Variants in PLAT observed in about 807,000 individuals in gnomAD.
PLAT encodes the protein plasminogen activator, tissue type.
PLAT carries 48 observed loss-of-function variants against 74.9 expected under a neutral mutation model. That is an observed-to-expected ratio of 0.64 (90% CI 0.51 to 0.82). The LOEUF is 0.82. Ranked by LOEUF, PLAT falls within the 40% of genes least tolerant of loss-of-function variation. The probability of loss-of-function intolerance (pLI) is 0.00; values close to 1 mark genes in which losing one functional copy is unlikely to be tolerated. For missense variants in PLAT, 673 were observed against 736.2 expected, an observed-to-expected ratio of 0.91 and a Z score of 0.99; for synonymous variants, 307 against 294.4, an observed-to-expected ratio of 1.04 and a Z score of -0.44.
intron 6 of PLAT, 42 bp from the exon 7 acceptor site, chr8:42,185,214 T>A: frequency 3.8e-6 from 5 of 1,306,300 alleles, no homozygotes; most frequent in South Asian, 1.3e-5. Context: ...AGGTCAAAGG[T>A]GAAGCCTCTC....
chr8:42,202,446 C>T (rs969640175), intron 1 of PLAT, among the ~76,000 whole-genome samples: 2 of 152,126 alleles, frequency 1.3e-5, no homozygotes, highest in East Asian at 3.9e-4. Context: ...AGAGTCCCAT[C>T]TATGGGGCTG....
rs777639136 is a variant in PLAT at position 42,191,406 on chromosome 8, A to G, written c.81T>C (p.His27=). The change falls in exon 3 of 14, where the codon CAT becomes CAC. Residue 27 remains histidine (H), a synonymous_variant. Transcript: ENST00000220809. The part of the protein sequence containing the change: ...AVFVSPSQEI[H]ARFRRGARSY... ...ATCTGGCTCCTCTTCTGAATCGGGCATGGATTTCCTGCGAAGAAACCAGAG... is the reference window on the plus strand; with the variant it reads ...ATCTGGCTCCTCTTCTGAATCGGGCGTGGATTTCCTGCGAAGAAACCAGAG... 3.7e-6 allele frequency: 6 copies of G among 1,614,102 alleles called. No homozygotes were observed. The highest frequency in any genetic ancestry group is 1.7e-5 in the Admixed American group (1 of 60,024).
Position 42,179,923 on chromosome 8 carries a change from T to TA in PLAT, c.1363+2dup. 3 of 1,586,634 alleles carry TA rather than the reference T, an allele frequency of 1.9e-6. No individual in the cohort carries two copies. Among genetic ancestry groups the TA allele is most frequent in the Non-Finnish European group, 2.6e-6 (3 of 1,163,596 alleles). On this transcript the variant is annotated splice_region_variant and intron_variant, in intron 12 of 13. Coordinates refer to ENST00000220809, the MANE Select transcript of PLAT (RefSeq NM_000930.5). ...GATGGGGCCGAGACTTCCTTCCACT[T>TA]ACAGGCCTCATGCTTGCCGTAGCCG...
chr8:42,205,846 G>A (rs1039147477), intron 1 of PLAT, among the ~76,000 whole-genome samples: 2 of 151,766 alleles, frequency 1.3e-5, no homozygotes, highest in South Asian at 2.1e-4. Context: ...CTTAACATTG[G>A]CAAAATAAAC....
intron 1 of PLAT, among the ~76,000 whole-genome samples, chr8:42,203,992 T>TACACACACACACACACAC (rs775189467): frequency 1.5e-4 from 16 of 109,842 alleles, no homozygotes; most frequent in African/African-American, 6.2e-4. Context: ...TATATATATA[T>TACACACACACACACACAC]ACACACACAC....
chr8:42,182,739 C>G lies in PLAT; in HGVS notation c.783G>C (p.Leu261=). 5 of 1,605,712 alleles carry G rather than the reference C, an allele frequency of 3.1e-6. No homozygotes were observed. The highest frequency in any genetic ancestry group is 1.1e-5 in the South Asian group (1 of 90,162). ...AQNPSAQALG[L]GKHNYCRNPD... is the part of the protein sequence containing the mutation. ...CCTACCGGCAGTAATTATGTTTGCC[C>G]AGGCCCAGTGCCTGGGCACTGGGGT... The change falls in exon 8 of 14, where the codon CTG becomes CTC. Residue 261 remains leucine, a synonymous_variant. Coordinates refer to ENST00000220809, the MANE Select transcript of PLAT (RefSeq NM_000930.5).
At chr8:42,176,186 A>G in intron 13 of PLAT, 35 bp from the exon 14 acceptor site, 1 of 1,574,896 alleles carries the variant, frequency 6.3e-7, no homozygotes, top group Non-Finnish European at 8.7e-7. Context: ...CGTTTGCAAA[A>G]AAAGCAGACT....
intron 1 of PLAT, among the ~76,000 whole-genome samples, chr8:42,200,832 CT>C (rs939148071): frequency 1.7e-3 from 243 of 146,794 alleles, no homozygotes; most frequent in East Asian, 4.4e-3. Context: ...CCAATTGTAA[CT>C]TTTTTTTTTT....
In PLAT at chr8:42,180,317, C is replaced by G. The variant is rs144211716; in HGVS notation, c.1147G>C (p.Glu383Gln). The change falls in exon 11 of 14, where the codon GAG becomes CAG. Residue 383 changes from glutamate (E) to glutamine (Q), a missense_variant. Transcript: ENST00000220809. ...TTTTCGACTTCAAATTTCTGCTCCTCCTCGCCAGGGACCACCCGGTATGTT... is the reference window on the plus strand; with the variant it reads ...TTTTCGACTTCAAATTTCTGCTCCTGCTCGCCAGGGACCACCCGGTATGTT... ...GRTYRVVPGE[E>Q]EQKFEVEKYI... 2.5e-6 allele frequency: 4 copies of G among 1,614,130 alleles called. No individual in the cohort carries two copies. In the African/African-American group the frequency reaches 4.0e-5, roughly 16 times the overall value.
chr8:42,182,346 A>G, intron 8 of PLAT: 1 of 187,588 alleles, frequency 5.3e-6, no homozygotes, highest in Non-Finnish European at 1.0e-5. Context: ...CCCTAGGAGA[A>G]CTTCTCTTTA....
chr8:42,176,272 T>C (rs1804972007), intron 13 of PLAT, 121 bp from the exon 14 acceptor site: 6 of 665,962 alleles, frequency 9.0e-6, no homozygotes, highest in Non-Finnish European at 1.5e-5. Flanking sequence ...TAATATTCCA[T>C]TCAGTGTCAT....
At chr8:42,191,495 T>C in intron 2 of PLAT, 81 bp from the exon 3 acceptor site, 1 of 1,303,836 alleles carries the variant, frequency 7.7e-7, no homozygotes, top group South Asian at 1.2e-5. Flanking sequence ...CAGAAGCCCA[T>C]GTGAACCTGC....
Position 42,175,868 on chromosome 8 carries a change from C to G in PLAT, c.*125G>C. ...TGCACTCTTCCCTCTCCTGTAGGGTCTCGTCCCGCTTCTGCGGTGTGGTGG... is the reference window on the plus strand; with the variant it reads ...TGCACTCTTCCCTCTCCTGTAGGGTGTCGTCCCGCTTCTGCGGTGTGGTGG... On this transcript the variant is annotated 3_prime_UTR_variant, in exon 14 of 14. Coordinates refer to ENST00000220809, the MANE Select transcript of PLAT (RefSeq NM_000930.5). The G allele has an allele frequency of 2.3e-6, 2 of 874,934 alleles. No homozygotes were observed. The highest frequency in any genetic ancestry group is 1.7e-5 in the South Asian group (1 of 59,894). The allele number at this position is 874,934 out of a possible 1,614,324, so 54.2% of individuals were successfully genotyped here.
chr8:42,179,728 T>C (rs1805134542), intron 12 of PLAT, among the ~76,000 whole-genome samples, 198 bp downstream of exon 12: 1 of 152,162 alleles, frequency 6.6e-6, no homozygotes, highest in African/African-American at 2.4e-5. Context: ...CATACTGTTG[T>C]GTCCTTTCCT....
intron 1 of PLAT, among the ~76,000 whole-genome samples, chr8:42,193,967 G>A (rs1479293748): frequency 6.6e-6 from 1 of 151,368 alleles, no homozygotes; most frequent in Non-Finnish European, 1.5e-5. Flanking sequence ...GCTCGCCTTG[G>A]CCTCCCAAAG....
At chr8:42,199,501 T>C (rs1215490650) in intron 1 of PLAT, among the ~76,000 whole-genome samples, 1 of 152,118 alleles carries the variant, frequency 6.6e-6, no homozygotes, top group African/African-American at 2.4e-5. Flanking sequence ...AGCAGAATTT[T>C]CTCCAAAACA....
chr8:42,179,993 G>T lies in PLAT; in HGVS notation c.1296C>A (p.Pro432=), dbSNP rs779067730. 10 of 1,609,400 alleles carry T rather than the reference G, an allele frequency of 6.2e-6. No individual in the cohort carries two copies. In the South Asian group the frequency reaches 1.0e-4, roughly 16 times the overall value. ...AGTCCGGCAGCTGCAGGTCCGCCGG[G>T]GGAAGGCACACAGTGCGGACCACGC... ...ESSVVRTVCL[P]PADLQLPDWT... Residue 432 remains proline (P), a synonymous_variant, in exon 12 of 14, where the codon CCC becomes CCA. Coordinates refer to ENST00000220809, the MANE Select transcript of PLAT (RefSeq NM_000930.5).
chr8:42,179,284 T>G (rs1031879198), intron 12 of PLAT, among the ~76,000 whole-genome samples: 13 of 152,174 alleles, frequency 8.5e-5, no homozygotes, highest in African/African-American at 2.7e-4. Context: ...TGCTGATGCT[T>G]CGGACCAGGG....
At chr8:42,183,664 C>T (rs1805338229) in intron 7 of PLAT, among the ~76,000 whole-genome samples, 3 of 151,982 alleles carry the variant, frequency 2.0e-5, no homozygotes, top group Admixed American at 6.6e-5. Flanking sequence ...CCCATTTTTC[C>T]ATTTTTTTCT....
Sources: allele counts gnomAD v4.1 joint callset (sites outside exome capture counted in the v4.1 genomes callset), GRCh38; gene constraint gnomAD v4.1.1; transcripts MANE v1.5; gene names NCBI Gene and HGNC (gene_info 2026-07-23, HGNC 2026-07-21).